The following DCLK3 variants were observed in gnomAD, a reference collection of about 807,000 sequenced individuals.
The protein encoded by DCLK3 is doublecortin like kinase 3, also known as serine/threonine-protein kinase DCLK3.
Under a neutral mutation model 46.4 loss-of-function variants are expected in DCLK3, and 30 were observed. The ratio of observed to expected loss-of-function variants is 0.65; its 90% CI spans 0.48 to 0.88. DCLK3 has a LOEUF of 0.88. Among genes scored for constraint, DCLK3 ranks in the 40% least tolerant of loss-of-function variants. DCLK3 has a pLI of 0.00. For synonymous variants in DCLK3, 401 were observed against 339.2 expected, an observed-to-expected ratio of 1.18 and a Z score of -2.00; for missense variants, 846 against 907.1, an observed-to-expected ratio of 0.93 and a Z score of 0.87.
chr3:36,723,179 CT>C (rs1019709553), intron 2 of DCLK3, among the ~76,000 whole-genome samples: 1 of 152,202 alleles, frequency 6.6e-6, no homozygotes. Context: ...CATTTTGCCC[CT>C]GCCCTAGAGA....
At position 36,718,038 on chromosome 3, in the gene DCLK3, G is replaced by C. The variant is rs764542912; in HGVS notation, c.2232C>G (p.Leu744=). Residue 744 remains leucine, a synonymous_variant, in exon 4 of 5, where the codon CTC becomes CTG. Coordinates refer to ENST00000636136, the MANE Select transcript of DCLK3 (RefSeq NM_001394672.2). ...CAGAGATATTGTCCCAGTAAGGGGG[G>C]AGGAACTCAAAGTGGCCCAGCTGGA... ...NIIQLGHFEF[L]PPYWDNISDA... 15 of 1,614,162 alleles carry C rather than the reference G, an allele frequency of 9.3e-6. No homozygotes were observed. The highest frequency in any genetic ancestry group is 1.3e-5 in the Non-Finnish European group (15 of 1,180,022).
intron 2 of DCLK3, among the ~76,000 whole-genome samples, chr3:36,735,697 C>T (rs575482942): frequency 4.1e-4 from 63 of 152,326 alleles, no homozygotes; most frequent in African/African-American, 1.5e-3. Flanking sequence ...GCTTTGTCTG[C>T]AATGATGTGA....
chr3:36,722,824 T>C (rs141130363), intron 2 of DCLK3, among the ~76,000 whole-genome samples: 2 of 152,318 alleles, frequency 1.3e-5, no homozygotes, highest in African/African-American at 4.8e-5. Context: ...AACTCCTTTT[T>C]TTCCTGGTCT....
chr3:36,732,589 T>C (rs1460910885), intron 2 of DCLK3, among the ~76,000 whole-genome samples: 4 of 152,228 alleles, frequency 2.6e-5, no homozygotes, highest in Admixed American at 2.0e-4. Flanking sequence ...AAGACTTGTG[T>C]CACTGTACTT....
chr3:36,740,288 A>G (rs947169629), intron 1 of DCLK3, among the ~76,000 whole-genome samples: 1 of 152,106 alleles, frequency 6.6e-6, no homozygotes, highest in Non-Finnish European at 1.5e-5. Context: ...TGTGATCTTA[A>G]TATCTATTTT....
At position 36,715,708 on chromosome 3, in the gene DCLK3, C is replaced by T. The variant is rs1042938693; in HGVS notation, c.2261-187G>A. The stretch of plus-strand genomic sequence containing the variant: ...ATTCTCTATCTGCACTATCTACCTG[C>T]GATTATTGAGCATTTGAAATCTGGC... On this transcript the variant is annotated intron_variant, in intron 4 of 4. Coordinates refer to ENST00000636136, the MANE Select transcript of DCLK3 (RefSeq NM_001394672.2). Among the ~76,000 whole-genome samples the T allele has an allele frequency of 2.6e-5, 4 of 152,270 alleles. No homozygotes were observed. In the East Asian group the frequency reaches 5.8e-4, roughly 22 times the overall value.
At chr3:36,743,155 C>A (rs1701363792) in intron 1 of DCLK3, among the ~76,000 whole-genome samples, 1 of 151,260 alleles carries the variant, frequency 6.6e-6, no homozygotes, top group African/African-American at 2.4e-5. Flanking sequence ...CCAAAGCCTG[C>A]AAACTTTTTG....
At position 36,718,185 on chromosome 3, in the gene DCLK3, G is replaced by T; in HGVS notation, c.2093-8C>A. On this transcript the variant is annotated splice_region_variant and splice_polypyrimidine_tract_variant and intron_variant, in intron 3 of 4. Transcript: ENST00000636136. ...CCACCTCCAGTCCATAACCTGCGCA[G>T]ACAGAGGCAGAGACACAAGCAAACC... 6.2e-7 allele frequency: 1 copy of T among 1,613,706 alleles called. No homozygotes were observed. Among genetic ancestry groups the T allele is most frequent in the Non-Finnish European group, 8.5e-7 (1 of 1,179,990 alleles).
rs971423214 is a variant in DCLK3, at chr3:36,764,326, C to T, written c.-63G>A. On this transcript the variant is annotated 5_prime_UTR_variant, in exon 1 of 5. Coordinates refer to ENST00000636136, the MANE Select transcript of DCLK3 (RefSeq NM_001394672.2). The surrounding 1 kb of genome is among the most constrained non-coding windows in gnomAD (Gnocchi z 4.9). ...GTGGCAGCGCGGGGACGCGGCTCGA[C>T]GGTCGAGCAGGCGCGGGAAGGCGGG... 11 of 207,706 alleles carry T rather than the reference C, an allele frequency of 5.3e-5. No homozygotes were observed. The highest frequency in any genetic ancestry group is 9.5e-5 in the Non-Finnish European group (10 of 105,328). 12.9% of individuals were successfully genotyped at this position (207,706 alleles called of 1,614,324 possible).
rs540783802 is a variant in DCLK3, at chr3:36,738,394, G to A, written c.773C>T (p.Ala258Val). Residue 258 changes from alanine (A) to valine (V), a missense_variant, in exon 2 of 5, where the codon GCG (alanine) becomes GTG (valine). Transcript: ENST00000636136. ...IPEELSLDDRARTQKKWGRGK... is the reference protein window; with the variant it reads ...IPEELSLDDRVRTQKKWGRGK... ...CCTCCCCCACTTCTTCTGGGTCCTC[G>A]CTCTGTCATCTAGTGAAAGCTCCTC... The A allele has an allele frequency of 6.2e-5, 92 of 1,492,176 alleles. No individual in the cohort carries two copies. The highest frequency in any genetic ancestry group is 5.6e-4 in the East Asian group (23 of 41,112). 92.4% of individuals were successfully genotyped at this position (1,492,176 alleles called of 1,614,324 possible).
At chr3:36,753,538 G>T (rs1031786417) in intron 1 of DCLK3, among the ~76,000 whole-genome samples, 1 of 152,176 alleles carries the variant, frequency 6.6e-6, no homozygotes, top group African/African-American at 2.4e-5. Context: ...AACATAAAGA[G>T]AACCAAGAAG....
intron 2 of DCLK3, among the ~76,000 whole-genome samples, chr3:36,736,471 T>A (rs1196754697): frequency 6.6e-6 from 1 of 152,156 alleles, no homozygotes; most frequent in Non-Finnish European, 1.5e-5. Context: ...CCTTATCTGA[T>A]GTTGTGATCT....
chr3:36,740,832 AATC>A (rs1701336918), intron 1 of DCLK3, among the ~76,000 whole-genome samples: 2 of 152,242 alleles, frequency 1.3e-5, no homozygotes, highest in Non-Finnish European at 2.9e-5. Flanking sequence ...AATTTAAAAT[AATC>A]ATTTATACGT....
chr3:36,738,381 C>T lies in DCLK3; in HGVS notation c.786G>A (p.Lys262=), dbSNP rs1295144217. ...LSLDDRARTQ[K]KWGRGKWEPE... ...GCTCCCATTTCCCCCTCCCCCACTTCTTCTGGGTCCTCGCTCTGTCATCTA... is the reference window on the plus strand; with the variant it reads ...GCTCCCATTTCCCCCTCCCCCACTTTTTCTGGGTCCTCGCTCTGTCATCTA... Residue 262 remains lysine (K), a synonymous_variant, in exon 2 of 5, where the codon AAG becomes AAA. Coordinates refer to ENST00000636136, the MANE Select transcript of DCLK3 (RefSeq NM_001394672.2). 2 of 1,499,860 alleles carry T rather than the reference C, an allele frequency of 1.3e-6. No individual in the cohort carries two copies. Among genetic ancestry groups the T allele is most frequent in the Admixed American group, 2.4e-5 (1 of 41,238 alleles). 92.9% of individuals were successfully genotyped at this position (1,499,860 alleles called of 1,614,324 possible).
intron 2 of DCLK3, among the ~76,000 whole-genome samples, chr3:36,723,414 A>G (rs769494512): frequency 1.3e-5 from 2 of 152,228 alleles, no homozygotes; most frequent in Admixed American, 6.5e-5. Context: ...AATTTGCCTA[A>G]GTAATGAGGA....
intron 2 of DCLK3, chr3:36,729,914 G>A (rs1507873): frequency 6.6e-6 from 1 of 152,418 alleles, no homozygotes; most frequent in African/African-American, 2.4e-5. Flanking sequence ...CAGTGGCTCA[G>A]GCCTGTAATT....
chr3:36,728,288 T>C (rs570053244), intron 2 of DCLK3, among the ~76,000 whole-genome samples: 1 of 152,214 alleles, frequency 6.6e-6, no homozygotes, highest in East Asian at 1.9e-4. Flanking sequence ...CAAGCTAGCA[T>C]CTGTGATGAT....
intron 2 of DCLK3, among the ~76,000 whole-genome samples, chr3:36,733,077 C>T (rs1701219388): frequency 2.0e-5 from 3 of 152,142 alleles, no homozygotes; most frequent in Admixed American, 1.3e-4. Flanking sequence ...AGTAAATATA[C>T]AGACAAGCCC....
rs1392369813 is a variant in DCLK3 at position 36,713,612 on chromosome 3, C to G, written c.*1716G>C. On this transcript the variant is annotated 3_prime_UTR_variant, in exon 5 of 5. Transcript: ENST00000636136. ...GTGGTTTCAAGTTTCTAGGGGGTGT[C>G]AACGGTTTGGTTTCCCGAGAAGCCA... 2 of 152,092 alleles carry G rather than the reference C, an allele frequency of 1.3e-5. No individual in the cohort carries two copies. The highest frequency in any genetic ancestry group is 4.8e-5 in the African/African-American group (2 of 41,400). 9.4% of individuals were successfully genotyped at this position (152,092 alleles called of 1,614,324 possible).
Sources: gnomAD v4.1 joint callset for allele counts (sites outside exome capture counted in the v4.1 genomes callset) on GRCh38, gnomAD v4.1.1 for gene constraint, Gnocchi (gnomAD v3.1) non-coding constraint, MANE v1.5 for transcripts, NCBI Gene and HGNC (gene_info 2026-07-23, HGNC 2026-07-21) for gene names.